Variants in OPRM1 observed in about 807,000 individuals in gnomAD.
OPRM1 encodes opioid receptor mu 1.
A neutral mutation model predicts 31.8 loss-of-function variants in OPRM1; 27 were observed. The observed-to-expected ratio is 0.85, with a 90% CI of 0.63 to 1.17. The LOEUF (loss-of-function observed/expected upper bound fraction) is 1.17, where lower values mean the gene tolerates loss of function less well. OPRM1 is among the 50% of genes most tolerant of loss of function. The pLI, the probability that OPRM1 is intolerant of heterozygous loss-of-function variation, is 0.00. For missense variants in OPRM1, 536 were observed against 511.1 expected (o/e 1.05, Z -0.47); for synonymous variants, 196 against 189.9 (o/e 1.03, Z -0.26).
rs577627842 is a variant in OPRM1, at chr6:154,181,582, C to T, written c.1165-65111C>T. On this transcript the variant is annotated intron_variant, in intron 3 of 3. Coordinates refer to the OPRM1 transcript ENST00000337049. ...TTTCAAATTAGGCAATATATAGTCA[C>T]TGAGATAGCAGTTGACTGAACTGGA... 5.3e-5 allele frequency among the ~76,000 whole-genome samples: 8 copies of T among 152,292 alleles called. No homozygotes were observed. In the East Asian group the frequency reaches 1.5e-3, roughly 29 times the overall value.
chr6:154,214,304 G>A lies in OPRM1; in HGVS notation c.1165-32389G>A, dbSNP rs757989699. 2.7e-5 allele frequency: 41 copies of A among 1,536,720 alleles called. No homozygotes were observed. The Admixed American group carries it at 3.5e-4, about 13-fold the overall frequency. The stretch of plus-strand genomic sequence containing the variant: ...AAAATTCAAATAGAAAGCAAATGTT[G>A]ACCAAAGAGATTAGCCCCCCACCCA... On this transcript the variant is annotated intron_variant, in intron 3 of 3. Transcript: ENST00000337049.
chr6:154,100,023 A>G (rs1338649305), intron 3 of OPRM1, among the ~76,000 whole-genome samples: 1 of 115,328 alleles, frequency 8.7e-6, no homozygotes, highest in Admixed American at 9.6e-5. Flanking sequence ...ATATCATAAC[A>G]TATTATATAT....
chr6:154,026,987 T>A (rs1172250491), intron 1 of OPRM1, among the ~76,000 whole-genome samples: 1 of 152,196 alleles, frequency 6.6e-6, no homozygotes, highest in Non-Finnish European at 1.5e-5. Context: ...GGGTCGTATT[T>A]TCTTGGATTG....
intron 1 of OPRM1, among the ~76,000 whole-genome samples, chr6:154,066,089 G>A (rs1471755238): frequency 2.0e-5 from 3 of 152,084 alleles, no homozygotes; most frequent in African/African-American, 7.2e-5. Flanking sequence ...TTCACATGTT[G>A]AACCATCCTT....
At chr6:154,099,348 CGA>C (rs58655710) in intron 3 of OPRM1, among the ~76,000 whole-genome samples, 18,258 of 124,846 alleles carry the variant, frequency 0.15, 1,291 homozygotes, top group African/African-American at 0.16. Flanking sequence ...AGGAAGAGAG[CGA>C]GAGAGAGAGA....
intron 3 of OPRM1, among the ~76,000 whole-genome samples, chr6:154,204,586 AC>A (rs1583790844): frequency 6.6e-6 from 1 of 152,106 alleles, no homozygotes; most frequent in African/African-American, 2.4e-5. Flanking sequence ...TCTGTCACTG[AC>A]CTTCTGCATG....
Position 154,221,170 on chromosome 6 carries a change from T to C in OPRM1, c.1165-25523T>C, listed in dbSNP as rs1468408594. 5 of 903,678 alleles carry C rather than the reference T, an allele frequency of 5.5e-6. No individual in the cohort carries two copies. In the Admixed American group the frequency reaches 9.0e-5, roughly 16 times the overall value. The allele number at this position is 903,678 out of a possible 1,614,324, so 56.0% of individuals were successfully genotyped here. ...GTAACAGAAATAAAATAATAATTGA[T>C]ATGGACATATGATTAGAATTCCAGT... On this transcript the variant is annotated intron_variant, in intron 3 of 3. Coordinates refer to the OPRM1 transcript ENST00000337049.
At chr6:154,159,779 G>T in intron 3 of OPRM1, 1 of 1,418,648 alleles carries the variant, frequency 7.0e-7, no homozygotes, top group Non-Finnish European at 9.8e-7. Flanking sequence ...GCAACATCTT[G>T]AAGAGTTGCT....
In OPRM1 at chr6:154,174,419, G is replaced by A. The variant is rs1465087222; in HGVS notation, c.1165-72274G>A. ...AGACCCATCAGTGTGCTATATTCAG[G>A]AGACCCATCTCACGTGCAGAGACAC... On this transcript the variant is annotated intron_variant, in intron 3 of 3. Transcript: ENST00000337049. Among the ~76,000 whole-genome samples the A allele has an allele frequency of 2.0e-5, 3 of 152,160 alleles. No individual in the cohort carries two copies. The South Asian group carries it at 6.2e-4, about 32-fold the overall frequency.
chr6:154,188,998 C>A lies in OPRM1; in HGVS notation c.1165-57695C>A, dbSNP rs1177599830. ...ATTTTAATCACTTTAAAACTGAGTTCTATTTATTAAAAGATACTACTTTAC... is the reference window on the plus strand; with the variant it reads ...ATTTTAATCACTTTAAAACTGAGTTATATTTATTAAAAGATACTACTTTAC... On this transcript the variant is annotated intron_variant, in intron 3 of 3. Transcript: ENST00000337049. 2.0e-5 allele frequency among the ~76,000 whole-genome samples: 3 copies of A among 151,892 alleles called. No individual in the cohort carries two copies. In the South Asian group the frequency reaches 6.2e-4, roughly 32 times the overall value.
intron 3 of OPRM1, chr6:154,093,426 G>A (rs1218213108): frequency 8.1e-6 from 13 of 1,613,804 alleles, no homozygotes; most frequent in Middle Eastern, 3.3e-4. Flanking sequence ...CCCGTCTGGT[G>A]GAGCATTTCT....
intron 1 of OPRM1, among the ~76,000 whole-genome samples, chr6:154,012,376 A>G (rs186467580): frequency 3.3e-4 from 50 of 152,114 alleles, no homozygotes; most frequent in African/African-American, 1.0e-3. Context: ...AGATATATGT[A>G]TTTCCTTCCT....
At chr6:154,104,031 C>T (rs1195616880) in intron 3 of OPRM1, among the ~76,000 whole-genome samples, 1 of 152,186 alleles carries the variant, frequency 6.6e-6, no homozygotes, top group Non-Finnish European at 1.5e-5. Flanking sequence ...ATGCCTCTGA[C>T]ATGTCCCCCC....
rs998630883 is a variant in OPRM1 at position 154,126,425 on chromosome 6, A to G, written c.*7704A>G. 3.3e-5 allele frequency among the ~76,000 whole-genome samples: 5 copies of G among 152,240 alleles called. No individual in the cohort carries two copies. The East Asian group carries it at 9.6e-4, about 29-fold the overall frequency. The stretch of plus-strand genomic sequence containing the variant: ...AGACAAAGAAATTCTGGGAAGGAGA[A>G]CAACAATTATATTCCCCCATTTCAA... On this transcript the variant is annotated 3_prime_UTR_variant, in exon 4 of 4. Transcript: ENST00000330432.
At chr6:154,159,855 A>G (rs1295852651) in intron 3 of OPRM1, 1 of 1,611,560 alleles carries the variant, frequency 6.2e-7, no homozygotes, top group Non-Finnish European at 8.5e-7. Flanking sequence ...CAGAGGGAGA[A>G]GAAGGTGATT....
At chr6:154,011,166 C>T in intron 1 of OPRM1, 2 of 694,016 alleles carry the variant, frequency 2.9e-6, no homozygotes, top group South Asian at 1.8e-5. Context: ...ATAAGGAATA[C>T]CAAGCACAAA....
Position 154,131,445 on chromosome 6 carries a change from C to G in OPRM1, c.*12724C>G, listed in dbSNP as rs1797890099. Among the ~76,000 whole-genome samples the G allele has an allele frequency of 6.6e-6, 1 of 152,166 alleles. No individual in the cohort carries two copies. The stretch of plus-strand genomic sequence containing the variant: ...CTTCCACCCATTGTCCTCTTTCTAG[C>G]TGCTTATATTCCTGAGTCTGAAAGA... On this transcript the variant is annotated 3_prime_UTR_variant, in exon 4 of 4. Coordinates refer to ENST00000330432, the MANE Select transcript of OPRM1 (RefSeq NM_000914.5).
intron 3 of OPRM1, among the ~76,000 whole-genome samples, chr6:154,195,955 C>G (rs1031218446): frequency 6.6e-6 from 1 of 151,932 alleles, no homozygotes; most frequent in Non-Finnish European, 1.5e-5. Flanking sequence ...CCATACCTGG[C>G]TAATTTTTGT....
chr6:154,112,062 G>C (rs2128518957), intron 3 of OPRM1, among the ~76,000 whole-genome samples: 1 of 152,276 alleles, frequency 6.6e-6, no homozygotes, highest in East Asian at 1.9e-4. Context: ...ACCGCGCCTG[G>C]CCAAAAACTA....
Sources: allele counts gnomAD v4.1 joint callset (sites outside exome capture counted in the v4.1 genomes callset), GRCh38; gene constraint gnomAD v4.1.1; transcripts MANE v1.5; gene names NCBI Gene and HGNC (gene_info 2026-07-23, HGNC 2026-07-21).